SMYD1: variants seen among roughly 807,000 people sequenced by gnomAD.
SMYD1 encodes SET and MYND domain containing 1.
Under a neutral mutation model 54.0 loss-of-function variants are expected in SMYD1, and 49 were observed. The ratio of observed to expected loss-of-function variants is 0.91; its 90% confidence interval spans 0.72 to 1.15. The LOEUF (loss-of-function observed/expected upper bound fraction) is 1.15, where lower values mean the gene tolerates loss of function less well. Ranked by LOEUF, SMYD1 falls within the 50% of genes most tolerant of loss-of-function variation. The pLI, the probability that SMYD1 is intolerant of heterozygous loss-of-function variation, is 0.00. For missense variants in SMYD1, 653 were observed against 639.6 expected, an observed-to-expected ratio of 1.02 and a Z score of -0.23; for synonymous variants, 269 against 234.2, an observed-to-expected ratio of 1.15 and a Z score of -1.36.
intron 1 of SMYD1, among the ~76,000 whole-genome samples, chr2:88,071,910 C>A (rs1673954740): frequency 6.6e-6 from 1 of 151,666 alleles, no homozygotes; most frequent in Non-Finnish European, 1.5e-5. Context: ...CTAGCTTCTA[C>A]ATAGCATGGG....
In SMYD1 at chr2:88,103,045, C is replaced by T. The variant is rs756935749; in HGVS notation, c.889-13C>T. 3.7e-6 allele frequency: 6 copies of T among 1,612,220 alleles called. No individual in the cohort carries two copies. In the East Asian group the frequency reaches 1.3e-4, roughly 36 times the overall value. On this transcript the variant is annotated splice_polypyrimidine_tract_variant and intron_variant, in intron 6 of 9. Transcript: ENST00000419482. ...TGAAGGCATCTCTAGCTCAATGTGTCTCTCTTTCCCAGCCCTCTCAGGAAG... is the reference window on the plus strand; with the variant it reads ...TGAAGGCATCTCTAGCTCAATGTGTTTCTCTTTCCCAGCCCTCTCAGGAAG...
intron 3 of SMYD1, among the ~76,000 whole-genome samples, chr2:88,089,371 T>A (rs996448113): frequency 3.3e-5 from 5 of 152,192 alleles, no homozygotes; most frequent in Non-Finnish European, 7.4e-5. Flanking sequence ...ACCAGCCATG[T>A]GGGCACACAA....
intron 1 of SMYD1, among the ~76,000 whole-genome samples, 162 bp from the exon 2 acceptor site, chr2:88,084,154 C>G (rs992838596): frequency 6.6e-6 from 1 of 151,858 alleles, no homozygotes; most frequent in Non-Finnish European, 1.5e-5. Flanking sequence ...CTGGGAAGGG[C>G]CTTTGGAGGC....
At chr2:88,107,417 C>T (rs1165817785) in intron 8 of SMYD1, among the ~76,000 whole-genome samples, 1 of 152,198 alleles carries the variant, frequency 6.6e-6, no homozygotes, top group East Asian at 1.9e-4. Flanking sequence ...GGTGAAAATA[C>T]AATGCTGTCT....
At chr2:88,079,618 C>A (rs978444845) in intron 1 of SMYD1, among the ~76,000 whole-genome samples, 41 of 152,096 alleles carry the variant, frequency 2.7e-4, no homozygotes, top group African/African-American at 9.4e-4. Flanking sequence ...TCAGGAGTTC[C>A]AGACTAGCCT....
chr2:88,085,809 T>C (rs2103990624), intron 2 of SMYD1, among the ~76,000 whole-genome samples: 1 of 152,306 alleles, frequency 6.6e-6, no homozygotes, highest in Admixed American at 6.5e-5. Context: ...GCACCTGGAG[T>C]CCCATGCGGG....
intron 1 of SMYD1, among the ~76,000 whole-genome samples, chr2:88,078,217 C>T (rs1438944135): frequency 6.6e-6 from 1 of 152,230 alleles, no homozygotes; most frequent in African/African-American, 2.4e-5. Flanking sequence ...CCACTGAGTA[C>T]TTATCCAGTG....
chr2:88,089,583 C>CTCTTTTTTTT (rs1481581789), intron 3 of SMYD1, among the ~76,000 whole-genome samples: 6 of 114,990 alleles, frequency 5.2e-5, no homozygotes, highest in Admixed American at 8.5e-5. Flanking sequence ...GAGCTTCTAC[C>CTCTTTTTTTT]TGTTTTTTTT....
intron 2 of SMYD1, among the ~76,000 whole-genome samples, chr2:88,085,736 G>A (rs1357312369): frequency 1.3e-5 from 2 of 152,148 alleles, no homozygotes; most frequent in African/African-American, 4.8e-5. Context: ...GATCTTCCCT[G>A]TGCTGAGTCG....
rs35334236 is a variant in SMYD1 at position 88,111,786 on chromosome 2, C to T, written c.*1274C>T. The T allele has an allele frequency of 0.46, 163,726 of 357,296 alleles. 39,814 individuals are homozygous for T. Among genetic ancestry groups the T allele is most frequent in the Non-Finnish European group, 0.52 (99,547 of 192,680 alleles). 22.1% of individuals were successfully genotyped at this position (357,296 alleles called of 1,614,324 possible). On this transcript the variant is annotated 3_prime_UTR_variant, in exon 10 of 10. Coordinates refer to ENST00000419482, the MANE Select transcript of SMYD1 (RefSeq NM_198274.4). The stretch of plus-strand genomic sequence containing the variant: ...TGTTATCCTGTTATCTACTGAGACC[C>T]CAAATTTCTCACCAATGTTTTGGGA...
chr2:88,068,503 T>C (rs1673879309), intron 1 of SMYD1, among the ~76,000 whole-genome samples: 1 of 152,166 alleles, frequency 6.6e-6, no homozygotes, highest in Non-Finnish European at 1.5e-5. Context: ...CTGTCTTTCC[T>C]CAGATATTAC....
intron 9 of SMYD1, 116 bp downstream of exon 9, chr2:88,108,655 AG>A (rs1383060434): frequency 9.7e-6 from 10 of 1,036,036 alleles, no homozygotes; most frequent in Non-Finnish European, 1.3e-5. Context: ...GCTAGACAAA[AG>A]GGAACTCAGA....
Position 88,112,514 on chromosome 2 carries a change from T to G in SMYD1, c.*2002T>G, listed in dbSNP as rs1675052029. The G allele has an allele frequency of 8.7e-6, 2 of 229,504 alleles. No individual in the cohort carries two copies. Among genetic ancestry groups the G allele is most frequent in the Non-Finnish European group, 8.7e-6 (1 of 115,478 alleles). 14.2% of individuals were successfully genotyped at this position (229,504 alleles called of 1,614,324 possible). On this transcript the variant is annotated 3_prime_UTR_variant, in exon 10 of 10. Coordinates refer to ENST00000419482, the MANE Select transcript of SMYD1 (RefSeq NM_198274.4). ...CTTGACATTTGTCACCCCACTGGCC[T>G]TCTCAGGTGCAATCAGTAAAAATGC...
At position 88,106,051 on chromosome 2, in the gene SMYD1, T is replaced by C. The variant is rs114803535; in HGVS notation, c.982-274T>C. Among the ~76,000 whole-genome samples, 1,017 of 152,258 alleles carry C rather than the reference T, an allele frequency of 6.7e-3. 20 individuals carry two copies. Among genetic ancestry groups the C allele is most frequent in the African/African-American group, 0.024 (982 of 41,528 alleles). The stretch of plus-strand genomic sequence containing the variant: ...GTGTGTTTGTGTGTGTGTGTATGTA[T>C]AGCTTTCATAGCTTCCTGCTACCTA... On this transcript the variant is annotated intron_variant, in intron 7 of 9. Coordinates refer to ENST00000419482, the MANE Select transcript of SMYD1 (RefSeq NM_198274.4).
chr2:88,079,738 T>C (rs888360403), intron 1 of SMYD1, among the ~76,000 whole-genome samples: 1 of 152,114 alleles, frequency 6.6e-6, no homozygotes. Context: ...GGAGAATCGC[T>C]TGAACCCAGG....
At chr2:88,086,705 A>G (rs1430670631) in intron 2 of SMYD1, among the ~76,000 whole-genome samples, 1 of 152,184 alleles carries the variant, frequency 6.6e-6, no homozygotes, top group Non-Finnish European at 1.5e-5. Flanking sequence ...AATACTTATG[A>G]TTGCCAAAAA....
chr2:88,104,906 T>C (rs1383662660), intron 7 of SMYD1, among the ~76,000 whole-genome samples: 1 of 152,184 alleles, frequency 6.6e-6, no homozygotes, highest in African/African-American at 2.4e-5. Flanking sequence ...ATCTTTTTCC[T>C]CACCAGGGCC....
chr2:88,098,721 T>G (rs1305932049), intron 6 of SMYD1, among the ~76,000 whole-genome samples: 1 of 152,214 alleles, frequency 6.6e-6, no homozygotes, highest in African/African-American at 2.4e-5. Context: ...GCCAAGTCTC[T>G]TCCTTCTGGG....
At chr2:88,109,476 T>C (rs1424860652) in intron 9 of SMYD1, among the ~76,000 whole-genome samples, 1 of 152,180 alleles carries the variant, frequency 6.6e-6, no homozygotes, top group African/African-American at 2.4e-5. Context: ...GTGATGCGTG[T>C]TCATGAGTCA....
Sources: allele counts gnomAD v4.1 joint callset (sites outside exome capture counted in the v4.1 genomes callset), GRCh38; gene constraint gnomAD v4.1.1; transcripts MANE v1.5; gene names NCBI Gene and HGNC (gene_info 2026-07-23, HGNC 2026-07-21).